KCNQ1: variants seen among roughly 807,000 people sequenced by gnomAD.
The protein encoded by KCNQ1 is potassium voltage-gated channel subfamily KQT member 1.
KCNQ1 carries 49 observed loss-of-function variants against 72.4 expected under a neutral mutation model. That is an observed-to-expected ratio of 0.68 (90% CI 0.54 to 0.86). The LOEUF is 0.86. KCNQ1 is among the 40% of genes least tolerant of loss of function. The pLI, the probability that KCNQ1 is intolerant of heterozygous loss-of-function variation, is 0.00. For synonymous variants in KCNQ1, 450 were observed against 412.6 expected (o/e 1.09, Z -1.10); for missense variants, 790 against 945.1 (o/e 0.84, Z 2.15).
At chr11:2,740,407 T>C (rs1186112590) in intron 11 of KCNQ1, among the ~76,000 whole-genome samples, 1 of 152,188 alleles carries the variant, frequency 6.6e-6, no homozygotes, top group Admixed American at 6.5e-5. Context: ...AAGCAAACAA[T>C]AGTACAGGTG....
chr11:2,450,168 T>C lies in KCNQ1; in HGVS notation c.386+4684T>C, dbSNP rs1267795078. Among the ~76,000 whole-genome samples, 1 of 152,198 alleles carries C rather than the reference T, an allele frequency of 6.6e-6. No homozygotes were observed. The highest frequency in any genetic ancestry group is 2.4e-5 in the African/African-American group (1 of 41,456). On this transcript the variant is annotated intron_variant, in intron 1 of 15. Coordinates refer to ENST00000155840, the MANE Select transcript of KCNQ1 (RefSeq NM_000218.3). This position sits in a 1 kb window ranked among gnomAD's most constrained non-coding sequence, Gnocchi z 7.9. Reference sequence around the variant, plus strand: ...TGGCCCCTGCGATATCTTGCTGTGATTCAAGACTCTGTCCACGGGCAAGAA... The same window carrying C: ...TGGCCCCTGCGATATCTTGCTGTGACTCAAGACTCTGTCCACGGGCAAGAA...
At chr11:2,839,008 C>G (rs1010633461) in intron 15 of KCNQ1, among the ~76,000 whole-genome samples, 1 of 90,846 alleles carries the variant, frequency 1.1e-5, no homozygotes, top group Non-Finnish European at 2.4e-5. Flanking sequence ...CGGGGTTGCA[C>G]TAGGTGGGCA....
rs954488375 is a variant in KCNQ1 at position 2,642,408 on chromosome 11, C to T, written c.1394-19553C>T. ...TTCTTGATTTCTTTCTCAGCTGGTTCTTTATTGGTATATAGAAATAAGCCT... is the reference window on the plus strand; with the variant it reads ...TTCTTGATTTCTTTCTCAGCTGGTTTTTTATTGGTATATAGAAATAAGCCT... On this transcript the variant is annotated intron_variant, in intron 10 of 15. Coordinates refer to ENST00000155840, the MANE Select transcript of KCNQ1 (RefSeq NM_000218.3). The surrounding 1 kb of genome is among the most constrained non-coding windows in gnomAD (Gnocchi z 4.3). The T allele has an allele frequency of 5.0e-6, 2 of 397,732 alleles. No individual in the cohort carries two copies. Among genetic ancestry groups the T allele is most frequent in the African/African-American group, 4.1e-5 (2 of 48,552 alleles). 24.6% of individuals were successfully genotyped at this position (397,732 alleles called of 1,614,324 possible). A position where few individuals can be genotyped will look rare whatever the true frequency, so the allele number is the denominator to read the frequency against.
chr11:2,764,571 A>G lies in KCNQ1; in HGVS notation c.1515-4273A>G, dbSNP rs1846462141. On this transcript the variant is annotated intron_variant, in intron 11 of 15. Transcript: ENST00000155840. The surrounding 1 kb of genome is among the most constrained non-coding windows in gnomAD (Gnocchi z 4.8). ...TATGCTGCCTTATGAAAATACTTGT[A>G]TAAAATTGACATTATTTTTTCCTTA... Among the ~76,000 whole-genome samples, 3 of 152,154 alleles carry G rather than the reference A, an allele frequency of 2.0e-5. No individual in the cohort carries two copies. Among genetic ancestry groups the G allele is most frequent in the South Asian group, 4.1e-4 (2 of 4,824 alleles).
Position 2,763,950 on chromosome 11 carries a change from A to AT in KCNQ1, c.1515-4886dup, listed in dbSNP as rs563461294. 3.6e-4 allele frequency among the ~76,000 whole-genome samples: 55 copies of AT among 151,844 alleles called. 1 individual carries two copies. In the East Asian group the frequency reaches 6.8e-3, roughly 19 times the overall value. ...ACAGTTTATCTGAGGATTCTTAGGGATTTTTTTTACATGTATGGTTATGTC... is the reference window on the plus strand; with the variant it reads ...ACAGTTTATCTGAGGATTCTTAGGGATTTTTTTTTACATGTATGGTTATGTC... On this transcript the variant is annotated intron_variant, in intron 11 of 15. Transcript: ENST00000155840.
chr11:2,743,524 G>A (rs1386010084), intron 11 of KCNQ1, among the ~76,000 whole-genome samples: 1 of 152,230 alleles, frequency 6.6e-6, no homozygotes, highest in African/African-American at 2.4e-5. Context: ...CCGGCATGCA[G>A]CTCCCAGAGG....
At chr11:2,455,406 C>G (rs1189606872) in intron 1 of KCNQ1, among the ~76,000 whole-genome samples, 1 of 152,160 alleles carries the variant, frequency 6.6e-6, no homozygotes, top group Non-Finnish European at 1.5e-5. Flanking sequence ...CAATCAGCAG[C>G]ATTCTTATAC....
At chr11:2,556,823 A>G (rs1402066410) in intron 2 of KCNQ1, among the ~76,000 whole-genome samples, 1 of 152,240 alleles carries the variant, frequency 6.6e-6, no homozygotes, top group Non-Finnish European at 1.5e-5. Flanking sequence ...AACCAGTGAA[A>G]TGAGAGTTCA....
At chr11:2,561,722 G>T (rs1414778101) in intron 2 of KCNQ1, among the ~76,000 whole-genome samples, 1 of 152,232 alleles carries the variant, frequency 6.6e-6, no homozygotes, top group Non-Finnish European at 1.5e-5. Context: ...GGCTCTCAGG[G>T]GGCCTGGCCA....
chr11:2,845,795 G>A (rs1848314126), intron 15 of KCNQ1, among the ~76,000 whole-genome samples: 1 of 152,186 alleles, frequency 6.6e-6, no homozygotes, highest in Admixed American at 6.5e-5. Context: ...CCTCCCAGGT[G>A]GAGGCTGCCC....
At chr11:2,846,088 C>A (rs1460184863) in intron 15 of KCNQ1, among the ~76,000 whole-genome samples, 1 of 152,136 alleles carries the variant, frequency 6.6e-6, no homozygotes, top group Non-Finnish European at 1.5e-5. Flanking sequence ...CCAGCCCTGG[C>A]CCACACCTCA....
rs1436566155 is a variant in KCNQ1, at chr11:2,572,995, GA to G, written c.921+12del. The G allele has an allele frequency of 6.2e-7, 1 of 1,612,026 alleles. No individual in the cohort carries two copies. Among genetic ancestry groups the G allele is most frequent in the Non-Finnish European group, 8.5e-7 (1 of 1,178,990 alleles). On this transcript the variant is annotated intron_variant, in intron 6 of 15. Transcript: ENST00000155840. ...CGCTGTGGTGGGGGGTGGTAAGTCG[GA>G]AACTTCCAGGCATGGGGACAGGGGC... is the stretch of plus-strand genomic sequence containing the variant.
intron 2 of KCNQ1, among the ~76,000 whole-genome samples, chr11:2,531,356 C>G (rs1271445284): frequency 1.3e-5 from 2 of 152,172 alleles, no homozygotes; most frequent in Non-Finnish European, 2.9e-5. Flanking sequence ...CAGCAGCACC[C>G]CAAGGCCCCC....
In KCNQ1 at chr11:2,515,441, C is replaced by T. The variant is rs1010745843; in HGVS notation, c.387-12487C>T. ...CAGGGGCGGGGAGGCCTGTCCACCCCTCCCACCCGTCCCCGAGGCCCCTGC... is the reference window on the plus strand; with the variant it reads ...CAGGGGCGGGGAGGCCTGTCCACCCTTCCCACCCGTCCCCGAGGCCCCTGC... On this transcript the variant is annotated intron_variant, in intron 1 of 15. Transcript: ENST00000155840. This position sits in a 1 kb window ranked among gnomAD's most constrained non-coding sequence, Gnocchi z 4.7. Among the ~76,000 whole-genome samples, 1 of 152,194 alleles carries T rather than the reference C, an allele frequency of 6.6e-6. No individual in the cohort carries two copies. Among genetic ancestry groups the T allele is most frequent in the Admixed American group, 6.5e-5 (1 of 15,286 alleles).
rs903813539 is a variant in KCNQ1, at chr11:2,462,889, C to G, written c.386+17405C>G. On this transcript the variant is annotated intron_variant, in intron 1 of 15. Transcript: ENST00000155840. The surrounding 1 kb of genome is among the most constrained non-coding windows in gnomAD (Gnocchi z 8.2). ...ACCAAACCTGGGTCCATGTGCCGTG[C>G]CCAGCCTGGGGTTCAGGTTTCTTCC... Among the ~76,000 whole-genome samples, 4 of 152,140 alleles carry G rather than the reference C, an allele frequency of 2.6e-5. No homozygotes were observed. The highest frequency in any genetic ancestry group is 7.2e-5 in the African/African-American group (3 of 41,416).
At chr11:2,614,331 T>G (rs1321521946) in intron 10 of KCNQ1, 3 of 398,476 alleles carry the variant, frequency 7.5e-6, no homozygotes, top group Non-Finnish European at 1.3e-5. Context: ...TCTGTGCTGC[T>G]TTTTAGTCTT....
chr11:2,748,988 G>A lies in KCNQ1; in HGVS notation c.1515-19856G>A, dbSNP rs1846181829. Among the ~76,000 whole-genome samples the A allele has an allele frequency of 3.3e-5, 5 of 152,210 alleles. No individual in the cohort carries two copies. The highest frequency in any genetic ancestry group is 7.3e-5 in the Non-Finnish European group (5 of 68,038). ...AGCTATTCAAAATGGCGGGAGGGGCGAGGCCTCTGGAGCAAGGAAAGAGAG... is the reference window on the plus strand; with the variant it reads ...AGCTATTCAAAATGGCGGGAGGGGCAAGGCCTCTGGAGCAAGGAAAGAGAG... On this transcript the variant is annotated intron_variant, in intron 11 of 15. Transcript: ENST00000155840. This position sits in a 1 kb window ranked among gnomAD's most constrained non-coding sequence, Gnocchi z 6.2.
intron 15 of KCNQ1, among the ~76,000 whole-genome samples, chr11:2,831,043 T>A (rs937988427): frequency 3.9e-5 from 6 of 152,182 alleles, no homozygotes; most frequent in African/African-American, 1.4e-4. Flanking sequence ...ATGGGCCCCC[T>A]GAGGGAAGCT....
intron 1 of KCNQ1, among the ~76,000 whole-genome samples, chr11:2,470,791 C>T (rs576530606): frequency 7.2e-5 from 11 of 152,174 alleles, no homozygotes; most frequent in South Asian, 2.1e-4. Flanking sequence ...CCTCCCACCT[C>T]AGCCTCCCAT....
Sources: allele counts gnomAD v4.1 joint callset (sites outside exome capture counted in the v4.1 genomes callset), GRCh38; gene constraint gnomAD v4.1.1; non-coding constraint Gnocchi (gnomAD v3.1); transcripts MANE v1.5; gene names NCBI Gene and HGNC (gene_info 2026-07-23, HGNC 2026-07-21).